Variants in RPS6KA2 observed in about 807,000 individuals in gnomAD.
RPS6KA2 encodes ribosomal protein S6 kinase alpha-2.
Under a neutral mutation model 91.8 loss-of-function variants are expected in RPS6KA2, and 42 were observed. That is an observed-to-expected ratio of 0.46 (90% confidence interval 0.36 to 0.59). RPS6KA2 has a LOEUF of 0.59. RPS6KA2 is among the 20% of genes least tolerant of loss of function. The pLI is 0.00. For synonymous variants in RPS6KA2, 414 were observed against 393.6 expected (o/e 1.05, Z -0.61); for missense variants, 798 against 978.5 (o/e 0.82, Z 2.46).
At position 166,418,712 on chromosome 6, in the gene RPS6KA2, G is replaced by A. The variant is rs969694275; in HGVS notation, c.1821-370C>T. Among the ~76,000 whole-genome samples the A allele has an allele frequency of 1.1e-4, 16 of 152,354 alleles. No individual in the cohort carries two copies. The highest frequency in any genetic ancestry group is 3.6e-4 in the African/African-American group (15 of 41,572). ...GAGACGTGGAGTCTGAGAGACCCAC[G>A]GTGGATGTATTCCCAACTCTGTGTT... On this transcript the variant is annotated intron_variant, in intron 18 of 20. Coordinates refer to ENST00000265678, the MANE Select transcript of RPS6KA2 (RefSeq NM_021135.6). The surrounding 1 kb of genome is among the most constrained non-coding windows in gnomAD (Gnocchi z 4.9).
chr6:166,658,203 G>T (rs770886025), intron 2 of RPS6KA2, among the ~76,000 whole-genome samples: 1 of 152,146 alleles, frequency 6.6e-6, no homozygotes, highest in Non-Finnish European at 1.5e-5. Flanking sequence ...ACTCCTGGGC[G>T]TGATTTGTGT....
intron 3 of RPS6KA2, among the ~76,000 whole-genome samples, chr6:166,516,334 G>A (rs1252072370): frequency 6.6e-6 from 1 of 152,192 alleles, no homozygotes; most frequent in Admixed American, 6.5e-5. Context: ...AGGACACAGT[G>A]GAGTCAGAAA....
At chr6:166,576,763 T>C (rs1784847572) in intron 1 of RPS6KA2, among the ~76,000 whole-genome samples, 1 of 152,228 alleles carries the variant, frequency 6.6e-6, no homozygotes, top group Non-Finnish European at 1.5e-5. Context: ...ACCCATTTTC[T>C]GAGGGGAAAT....
intron 2 of RPS6KA2, among the ~76,000 whole-genome samples, chr6:166,660,658 G>C (rs1354906157): frequency 2.0e-5 from 3 of 152,062 alleles, no homozygotes; most frequent in Non-Finnish European, 2.9e-5. Context: ...AGAATCATTT[G>C]GGTTACATGA....
At chr6:166,453,195 C>CATCACACACA (rs1330744049) in intron 12 of RPS6KA2, among the ~76,000 whole-genome samples, 9 of 122,896 alleles carry the variant, frequency 7.3e-5, no homozygotes, top group African/African-American at 3.0e-4. Context: ...AGTGAGACTC[C>CATCACACACA]ATCACACACA....
Position 166,662,156 on chromosome 6 carries a change from G to C in RPS6KA2, c.124-123372C>G, listed in dbSNP as rs772278848. ...ACTTAATATTTTAAAATCAGAAACT[G>C]TCTAAAATGTTATCAAATTATTCTT... On this transcript the variant is annotated intron_variant, in intron 2 of 21. Transcript: ENST00000503859. The surrounding 1 kb of genome is among the most constrained non-coding windows in gnomAD (Gnocchi z 4.3). 1.3e-5 allele frequency among the ~76,000 whole-genome samples: 2 copies of C among 152,184 alleles called. No individual in the cohort carries two copies. Among genetic ancestry groups the C allele is most frequent in the Non-Finnish European group, 2.9e-5 (2 of 68,018 alleles).
chr6:166,649,305 C>G (rs1431433978), intron 2 of RPS6KA2, among the ~76,000 whole-genome samples: 2 of 152,158 alleles, frequency 1.3e-5, no homozygotes, highest in African/African-American at 2.4e-5. Flanking sequence ...TAAATAGGAC[C>G]TTTGTTCATG....
intron 2 of RPS6KA2, among the ~76,000 whole-genome samples, chr6:166,731,244 A>AAAAAAAGAAAAAAG (rs112533883): frequency 1.3e-5 from 2 of 150,912 alleles, no homozygotes; most frequent in African/African-American, 2.4e-5. Flanking sequence ...CTCCGTCTCA[A>AAAAAAAGAAAAAAG]AAAAAAGAAA....
At chr6:166,676,752 A>G (rs1788632222) in intron 2 of RPS6KA2, among the ~76,000 whole-genome samples, 1 of 152,178 alleles carries the variant, frequency 6.6e-6, no homozygotes, top group African/African-American at 2.4e-5. Flanking sequence ...ACTGCTCCCA[A>G]CGTCTACATA....
chr6:166,748,582 G>C (rs190458916), intron 2 of RPS6KA2, among the ~76,000 whole-genome samples: 1 of 30,960 alleles, frequency 3.2e-5, no homozygotes, highest in Admixed American at 3.8e-4. Context: ...CCACCTCCTC[G>C]GGCCCCCATT....
At chr6:166,614,053 T>C (rs180860377) in intron 1 of RPS6KA2, among the ~76,000 whole-genome samples, 39 of 152,186 alleles carry the variant, frequency 2.6e-4, no homozygotes, top group African/African-American at 8.9e-4. Context: ...TTGAGCCACA[T>C]CTCCCCCAGA....
intron 2 of RPS6KA2, among the ~76,000 whole-genome samples, chr6:166,663,046 A>G (rs760517114): frequency 3.3e-5 from 5 of 152,046 alleles, no homozygotes; most frequent in Non-Finnish European, 5.9e-5. Flanking sequence ...GAACTGAGAG[A>G]CATTAAGGGT....
upstream of RPS6KA2, among the ~76,000 whole-genome samples, chr6:166,630,503 A>G (rs75467839): frequency 3.3e-3 from 498 of 152,370 alleles, 2 homozygotes; most frequent in African/African-American, 0.012. Context: ...AGGTGAATTC[A>G]CTAGGTTCAC....
intron 2 of RPS6KA2, among the ~76,000 whole-genome samples, chr6:166,738,433 C>T (rs1309752066): frequency 5.9e-5 from 9 of 152,176 alleles, no homozygotes; most frequent in African/African-American, 2.2e-4. Context: ...AGAGACCCTA[C>T]AGCAGGAAGG....
intron 15 of RPS6KA2, among the ~76,000 whole-genome samples, chr6:166,431,944 A>T (rs1431739408): frequency 6.6e-6 from 1 of 152,092 alleles, no homozygotes; most frequent in Non-Finnish European, 1.5e-5. Flanking sequence ...GGCTATTCTT[A>T]TGCCAAGCTT....
chr6:166,647,355 G>A (rs2128552461), intron 2 of RPS6KA2, among the ~76,000 whole-genome samples: 1 of 152,260 alleles, frequency 6.6e-6, no homozygotes, highest in South Asian at 2.1e-4. Context: ...ATGGCCAGAG[G>A]CATGGCTTCA....
chr6:166,566,040 A>ACT (rs1784489800), intron 1 of RPS6KA2, among the ~76,000 whole-genome samples: 1 of 152,240 alleles, frequency 6.6e-6, no homozygotes, highest in Non-Finnish European at 1.5e-5. Context: ...GAAATAAAGA[A>ACT]TGGGAAGAGT....
At chr6:166,574,914 A>C (rs1385975683) in intron 1 of RPS6KA2, among the ~76,000 whole-genome samples, 2 of 152,238 alleles carry the variant, frequency 1.3e-5, no homozygotes, top group African/African-American at 4.8e-5. Context: ...GTAAGACACC[A>C]AGAACCACCA....
At chr6:166,657,756 G>A (rs1197955158) in intron 2 of RPS6KA2, among the ~76,000 whole-genome samples, 12 of 152,230 alleles carry the variant, frequency 7.9e-5, no homozygotes, top group African/African-American at 2.2e-4. Context: ...GGCAGATTTC[G>A]CTCACTTGAG....
Sources: gnomAD v4.1 joint callset for allele counts (sites outside exome capture counted in the v4.1 genomes callset) on GRCh38, gnomAD v4.1.1 for gene constraint, Gnocchi (gnomAD v3.1) non-coding constraint, MANE v1.5 for transcripts, NCBI Gene and HGNC (gene_info 2026-07-23, HGNC 2026-07-21) for gene names.